RNF130: variants seen among roughly 807,000 people sequenced by gnomAD.
RNF130 encodes the protein ring finger protein 130, also known as E3 ubiquitin-protein ligase RNF130.
RNF130 carries 21 observed loss-of-function variants against 44.6 expected under a neutral mutation model. The observed-to-expected ratio is 0.47, with a 90% CI of 0.33 to 0.68. The LOEUF (loss-of-function observed/expected upper bound fraction) is 0.68. Ranked by LOEUF, RNF130 falls within the 30% of genes least tolerant of loss-of-function variation. RNF130 has a pLI of 0.02. For synonymous variants in RNF130, 214 were observed against 210.4 expected, an observed-to-expected ratio of 1.02 and a Z score of -0.15; for missense variants, 479 against 560.6, an observed-to-expected ratio of 0.85 and a Z score of 1.47.
chr5:179,944,837 G>T (rs1048211519), intron 7 of RNF130, among the ~76,000 whole-genome samples: 1 of 152,046 alleles, frequency 6.6e-6, no homozygotes, highest in Non-Finnish European at 1.5e-5. Flanking sequence ...ACCCCTGCTA[G>T]TCCCCTTTCC....
At chr5:179,951,566 G>A (rs1216031467), downstream of RNF130, among the ~76,000 whole-genome samples, 1 of 152,108 alleles carries the variant, frequency 6.6e-6, no homozygotes, top group Non-Finnish European at 1.5e-5. Flanking sequence ...TGTATTTTTA[G>A]TAGAGACGGG....
rs370028378 is a variant in RNF130 at position 180,040,574 on chromosome 5, C to T, written c.321G>A (p.Leu107=). ...TAAACGTGCAGTTTCCCCTCTGCAG[C>T]AAGGCAATCCACTGTTTGATATTAG... ...VPPNIKQWIA[L]LQRGNCTFKE... is the part of the protein sequence containing the mutation. The change falls in exon 2 of 9, where the codon TTG becomes TTA. Residue 107 remains leucine (L), a synonymous_variant. Coordinates refer to ENST00000521389, the MANE Select transcript of RNF130 (RefSeq NM_018434.6). 4 of 1,614,076 alleles carry T rather than the reference C, an allele frequency of 2.5e-6. No homozygotes were observed. The highest frequency in any genetic ancestry group is 3.4e-6 in the Non-Finnish European group (4 of 1,180,042).
exon 8 of RNF130, chr5:179,914,929 G>A (rs1431459177): frequency 2.0e-5 from 3 of 152,218 alleles, no homozygotes; most frequent in Non-Finnish European, 4.4e-5. Flanking sequence ...TTACTCGGGA[G>A]GCAGAGGTGG....
chr5:180,052,753 G>A lies in RNF130; in HGVS notation c.248-12106C>T, dbSNP rs1026204310. On this transcript the variant is annotated intron_variant, in intron 1 of 8. Coordinates refer to ENST00000521389, the MANE Select transcript of RNF130 (RefSeq NM_018434.6). ...GAGGGAGGGAGGAAGAGAATACAAGGGAAATCATAAAATCAGTCCCTACGG... is the reference window on the plus strand; with the variant it reads ...GAGGGAGGGAGGAAGAGAATACAAGAGAAATCATAAAATCAGTCCCTACGG... 3.3e-5 allele frequency among the ~76,000 whole-genome samples: 5 copies of A among 152,158 alleles called. No homozygotes were observed. In the South Asian group the frequency reaches 1.0e-3, roughly 32 times the overall value.
In RNF130 at chr5:179,981,357, C is replaced by T. The variant is rs543856930; in HGVS notation, c.694-1157G>A. Among the ~76,000 whole-genome samples the T allele has an allele frequency of 7.2e-5, 11 of 152,248 alleles. No homozygotes were observed. In the East Asian group the frequency reaches 1.5e-3, roughly 21 times the overall value. ...TTACACTGTGGGAAAAGGCAGATGCCGCTCCTGACGGAGCAAGGCGGGGAC... is the reference window on the plus strand; with the variant it reads ...TTACACTGTGGGAAAAGGCAGATGCTGCTCCTGACGGAGCAAGGCGGGGAC... On this transcript the variant is annotated intron_variant, in intron 3 of 8. Coordinates refer to ENST00000521389, the MANE Select transcript of RNF130 (RefSeq NM_018434.6).
At chr5:179,985,410 T>C (rs1762931382) in intron 3 of RNF130, among the ~76,000 whole-genome samples, 1 of 152,258 alleles carries the variant, frequency 6.6e-6, no homozygotes, top group South Asian at 2.1e-4. Flanking sequence ...ATACTGTGCA[T>C]ACTAAGCCGT....
At chr5:180,018,319 GA>G (rs1475810170) in intron 2 of RNF130, among the ~76,000 whole-genome samples, 1 of 151,042 alleles carries the variant, frequency 6.6e-6, no homozygotes, top group Non-Finnish European at 1.5e-5. Flanking sequence ...GAAAAGAAAA[GA>G]AAAAAAGAAA....
intron 2 of RNF130, among the ~76,000 whole-genome samples, chr5:180,020,519 T>C (rs565001587): frequency 3.6e-4 from 55 of 152,246 alleles, no homozygotes; most frequent in African/African-American, 1.3e-3. Flanking sequence ...AAGCCGAATG[T>C]GTAAGCCACT....
chr5:179,946,586 C>A (rs1177465613), intron 7 of RNF130, among the ~76,000 whole-genome samples: 1 of 150,470 alleles, frequency 6.6e-6, no homozygotes, highest in African/African-American at 2.5e-5. Context: ...CGGAGTCTCG[C>A]TCTGTCGCCC....
intron 3 of RNF130, among the ~76,000 whole-genome samples, chr5:180,000,738 T>C (rs1561687160): frequency 6.6e-6 from 1 of 152,204 alleles, no homozygotes; most frequent in Admixed American, 6.5e-5. Flanking sequence ...ATTTGATTCT[T>C]ACTTCTCTTT....
chr5:179,945,256 T>A (rs1478114121), intron 7 of RNF130, among the ~76,000 whole-genome samples: 1 of 152,054 alleles, frequency 6.6e-6, no homozygotes, highest in Non-Finnish European at 1.5e-5. Flanking sequence ...CAAGGCTCAG[T>A]CCCACACCCT....
At chr5:180,034,418 G>T (rs1764202570) in intron 2 of RNF130, among the ~76,000 whole-genome samples, 1 of 152,176 alleles carries the variant, frequency 6.6e-6, no homozygotes, top group Non-Finnish European at 1.5e-5. Flanking sequence ...TCTATTTTCT[G>T]AAAGTTTGTG....
At chr5:179,925,061 T>C (rs1761687078) in intron 7 of RNF130, among the ~76,000 whole-genome samples, 2 of 152,294 alleles carry the variant, frequency 1.3e-5, no homozygotes, top group South Asian at 4.1e-4. Context: ...TTGGTTTTTA[T>C]CCGGGCTTCC....
intron 6 of RNF130, among the ~76,000 whole-genome samples, chr5:179,970,151 T>C (rs190924019): frequency 5.2e-4 from 79 of 152,120 alleles, no homozygotes; most frequent in Non-Finnish European, 9.1e-4. Context: ...TGAATCCTTG[T>C]CTCTTAAATT....
intron 7 of RNF130, chr5:179,933,847 T>C: frequency 1.3e-6 from 1 of 786,196 alleles, no homozygotes; most frequent in Non-Finnish European, 2.1e-6. Flanking sequence ...TGTGTTTTTG[T>C]CTTGCTTCTT....
chr5:180,023,439 A>T (rs767491869), intron 2 of RNF130, among the ~76,000 whole-genome samples: 3 of 152,168 alleles, frequency 2.0e-5, no homozygotes, highest in Non-Finnish European at 4.4e-5. Context: ...ATTACTGATA[A>T]AGTTCAATAA....
At chr5:180,051,136 G>GC (rs1764677351) in intron 1 of RNF130, among the ~76,000 whole-genome samples, 1 of 151,890 alleles carries the variant, frequency 6.6e-6, no homozygotes, top group African/African-American at 2.4e-5. Flanking sequence ...AACTAAATGT[G>GC]TTTCTTGTTT....
At chr5:180,058,944 G>A (rs755697818) in intron 1 of RNF130, among the ~76,000 whole-genome samples, 1 of 152,104 alleles carries the variant, frequency 6.6e-6, no homozygotes, top group Non-Finnish European at 1.5e-5. Context: ...TACTTACCAT[G>A]ACTTAACAGT....
intron 3 of RNF130, among the ~76,000 whole-genome samples, chr5:179,996,098 T>C (rs761398487): frequency 6.6e-5 from 10 of 152,240 alleles, no homozygotes; most frequent in Admixed American, 1.3e-4. Flanking sequence ...TCCATGAACA[T>C]GGGATGTCTG....
Sources: allele counts gnomAD v4.1 joint callset (sites outside exome capture counted in the v4.1 genomes callset), GRCh38; gene constraint gnomAD v4.1.1; transcripts MANE v1.5; gene names NCBI Gene and HGNC (gene_info 2026-07-23, HGNC 2026-07-21).